The following SYNE2 variants were observed in gnomAD, a reference collection of about 807,000 sequenced individuals.
SYNE2 encodes spectrin repeat containing nuclear envelope protein 2.
A neutral mutation model predicts 856.3 loss-of-function variants in SYNE2; 431 were observed. The observed-to-expected ratio is 0.50, with a 90% CI of 0.47 to 0.55. The LOEUF (loss-of-function observed/expected upper bound fraction) is 0.55. Ranked by LOEUF, SYNE2 falls within the 20% of genes least tolerant of loss-of-function variation. SYNE2 has a pLI of 0.00. For synonymous variants in SYNE2, 2,923 were observed against 2,872.3 expected (o/e 1.02, Z -0.56); for missense variants, 8,129 against 8,023.2 (o/e 1.01, Z -0.50).
At chr14:63,817,512 G>A (rs569212565) in intron 1 of SYNE2, among the ~76,000 whole-genome samples, 5 of 151,924 alleles carry the variant, frequency 3.3e-5, no homozygotes, top group East Asian at 1.9e-4. Context: ...AAAAAAAGAC[G>A]TAGGTCATCA....
At chr14:63,792,374 C>T (rs35777119) in intron 1 of SYNE2, among the ~76,000 whole-genome samples, 15,812 of 151,894 alleles carry the variant, frequency 0.1, 913 homozygotes, top group African/African-American at 0.15. Flanking sequence ...ATGAACATGG[C>T]GAAACCCCAT....
chr14:63,984,057 C>T (rs902984251), intron 18 of SYNE2, among the ~76,000 whole-genome samples, 171 bp downstream of exon 18: 4 of 151,992 alleles, frequency 2.6e-5, no homozygotes, highest in African/African-American at 9.7e-5. Context: ...GCCTGGGTAA[C>T]GTGGCAAAAC....
At chr14:64,190,864 AATG>A (rs1369996303) in intron 99 of SYNE2, 4 of 693,248 alleles carry the variant, frequency 5.8e-6, no homozygotes, top group Non-Finnish European at 1.1e-5. Context: ...CTCCTCCCAA[AATG>A]ATGATGATGC....
At chr14:64,216,072 T>C (rs2098664975) in intron 107 of SYNE2, 176 bp from the exon 108 acceptor site, 2 of 1,508,492 alleles carry the variant, frequency 1.3e-6, no homozygotes, top group Non-Finnish European at 1.8e-6. Context: ...AGGCACAGTG[T>C]TGCTGAGTTG....
intron 1 of SYNE2, among the ~76,000 whole-genome samples, chr14:63,903,447 G>C (rs574509571): frequency 8.0e-4 from 122 of 151,704 alleles, no homozygotes; most frequent in African/African-American, 2.9e-3. Flanking sequence ...GTTTTTTTTG[G>C]GTGCTATGTT....
At chr14:63,871,244 T>G (rs1193753774) in intron 1 of SYNE2, among the ~76,000 whole-genome samples, 1 of 151,910 alleles carries the variant, frequency 6.6e-6, no homozygotes, top group African/African-American at 2.4e-5. Flanking sequence ...TCACTTTTGT[T>G]GCCCAGGCTG....
chr14:64,047,940 A>G (rs1014495714), intron 45 of SYNE2, 60 bp from the exon 46 acceptor site: 82 of 1,565,994 alleles, frequency 5.2e-5, no homozygotes, highest in Admixed American at 1.3e-4. Flanking sequence ...ATCAAGAAAA[A>G]TAAAAAGGAT....
At chr14:64,119,280 T>C (rs2097879562) in intron 66 of SYNE2, 147 bp from the exon 67 acceptor site, 3 of 941,878 alleles carry the variant, frequency 3.2e-6, no homozygotes, top group Non-Finnish European at 4.7e-6. Context: ...TCTGTGGAAG[T>C]TTTTGTTTTT....
intron 1 of SYNE2, among the ~76,000 whole-genome samples, chr14:63,891,849 A>AT (rs2095139717): frequency 6.6e-6 from 1 of 152,108 alleles, no homozygotes; most frequent in Non-Finnish European, 1.5e-5. Flanking sequence ...AGCACGTGTA[A>AT]TTTGGGTCGG....
At chr14:64,026,130 T>C (rs1290353203) in intron 41 of SYNE2, among the ~76,000 whole-genome samples, 1 of 152,118 alleles carries the variant, frequency 6.6e-6, no homozygotes, top group African/African-American at 2.4e-5. Flanking sequence ...CCAGACGTTT[T>C]CCCAGAGAAA....
intron 1 of SYNE2, among the ~76,000 whole-genome samples, chr14:63,801,909 G>A (rs1888145130): frequency 6.7e-6 from 1 of 150,122 alleles, no homozygotes. Context: ...AGAAGAAAAG[G>A]ATAATTCTAT....
At chr14:64,022,562 A>G (rs1326765148) in intron 37 of SYNE2, among the ~76,000 whole-genome samples, 189 bp from the exon 38 acceptor site, 1 of 151,992 alleles carries the variant, frequency 6.6e-6, no homozygotes, top group Non-Finnish European at 1.5e-5. Flanking sequence ...CCTTGGTGAA[A>G]GGTTCACCAA....
In SYNE2 at chr14:63,939,333, TG is replaced by T. The variant is rs2095872033; in HGVS notation, c.80-1279del. 4.2e-5 allele frequency among the ~76,000 whole-genome samples: 6 copies of T among 142,012 alleles called. No homozygotes were observed. The South Asian group carries it at 1.4e-3, about 33-fold the overall frequency. The allele number at this position is 142,012 out of a possible 152,430, so 93.2% of individuals were successfully genotyped here. ...TCAGGTCTTCCCCTTGACTCCTACC[TG>T]GATTTTTTTTTTCTTTTTTTTTTTT... is the stretch of plus-strand genomic sequence containing the variant. On this transcript the variant is annotated intron_variant, in intron 2 of 115. Coordinates refer to ENST00000555002, the MANE Select transcript of SYNE2 (RefSeq NM_182914.3).
intron 8 of SYNE2, among the ~76,000 whole-genome samples, chr14:63,959,287 CTTTTTTTTTTTTTTTT>C (rs34198434): frequency 7.4e-5 from 6 of 81,382 alleles, no homozygotes; most frequent in Admixed American, 5.7e-4. Flanking sequence ...TTTTCTTCTT[CTTTTTTTTTTTTTTTT>C]TTTTTTTTTT....
At chr14:64,193,629 C>G (rs1041263012) in intron 99 of SYNE2, among the ~76,000 whole-genome samples, 1 of 152,088 alleles carries the variant, frequency 6.6e-6, no homozygotes, top group Non-Finnish European at 1.5e-5. Flanking sequence ...AAACTAACTT[C>G]AAGGTTAAGA....
chr14:63,913,147 C>T (rs1355300992), intron 2 of SYNE2, among the ~76,000 whole-genome samples: 6 of 152,128 alleles, frequency 3.9e-5, no homozygotes, highest in Non-Finnish European at 5.9e-5. Context: ...GATACCCAGG[C>T]TGGTTTTGAA....
intron 99 of SYNE2, among the ~76,000 whole-genome samples, chr14:64,193,176 C>G (rs1199957294): frequency 1.3e-5 from 2 of 152,230 alleles, no homozygotes; most frequent in Non-Finnish European, 2.9e-5. Context: ...CCCACAGGAT[C>G]CAGGACACCA....
chr14:64,220,562 C>G lies in SYNE2; in HGVS notation c.19986C>G (p.Ser6662Arg), dbSNP rs1194672331. ...TELQSRLRQL[S>R]LLWEAAQGAV... The stretch of plus-strand genomic sequence containing the variant: ...TCCAAAGTAGACTCCGCCAGCTGAG[C>G]CTGCTCTGGGAAGCAGCACAGGGCG... The change falls in exon 111 of 116, where the codon AGC becomes AGG. Residue 6662 changes from serine to arginine, a missense_variant. Ser to Arg is a moderately radical substitution (Grantham distance 110, BLOSUM62 -1). Around this residue, in one of 3 missense-constraint regions of SYNE2, gnomAD observed 5,410 missense variants for 5,284.8 expected, o/e 1.02. Coordinates refer to ENST00000555002, the MANE Select transcript of SYNE2 (RefSeq NM_182914.3). 2.5e-6 allele frequency: 4 copies of G among 1,614,152 alleles called. No individual in the cohort carries two copies. In the Admixed American group the frequency reaches 5.0e-5, roughly 20 times the overall value.
intron 2 of SYNE2, among the ~76,000 whole-genome samples, chr14:63,910,103 A>G (rs1268353733): frequency 2.0e-5 from 3 of 152,280 alleles, no homozygotes; most frequent in African/African-American, 7.2e-5. Context: ...AAATAAGGCT[A>G]TAGCAGGCCT....
Sources: gnomAD v4.1 joint callset for allele counts (sites outside exome capture counted in the v4.1 genomes callset) on GRCh38, gnomAD v4.1.1 for gene constraint, gnomAD v4.1.1 regional missense constraint, MANE v1.5 for transcripts, NCBI Gene and HGNC (gene_info 2026-07-23, HGNC 2026-07-21) for gene names.